Variants in TTC29 observed in about 807,000 individuals in gnomAD.
TTC29 encodes the protein tetratricopeptide repeat domain 29.
TTC29 carries 49 observed loss-of-function variants against 58.1 expected under a neutral mutation model. That is an observed-to-expected ratio of 0.84 (90% CI 0.67 to 1.07). The LOEUF (loss-of-function observed/expected upper bound fraction) is 1.07, where lower values mean the gene tolerates loss of function less well. Ranked by LOEUF, TTC29 falls within the 50% of genes least tolerant of loss-of-function variation. The pLI is 0.00. For missense variants in TTC29, 582 were observed against 555.6 expected, an observed-to-expected ratio of 1.05 and a Z score of -0.48; for synonymous variants, 209 against 196.8, an observed-to-expected ratio of 1.06 and a Z score of -0.52.
intron 9 of TTC29, among the ~76,000 whole-genome samples, chr4:146,821,737 T>C (rs1246541371): frequency 6.6e-6 from 1 of 152,206 alleles, no homozygotes; most frequent in Non-Finnish European, 1.5e-5. Context: ...TTGGAGTCTA[T>C]GATTGTAAAC....
At chr4:146,851,756 T>C (rs1176959179) in intron 8 of TTC29, among the ~76,000 whole-genome samples, 1 of 152,216 alleles carries the variant, frequency 6.6e-6, no homozygotes, top group Non-Finnish European at 1.5e-5. Context: ...TTTTCTGAAT[T>C]TCAAGGCAAA....
chr4:146,818,835 CA>C (rs1331907640), intron 10 of TTC29, among the ~76,000 whole-genome samples: 4 of 150,062 alleles, frequency 2.7e-5, no homozygotes, highest in Non-Finnish European at 5.9e-5. Flanking sequence ...ATCGCAAGGA[CA>C]AAAAACCAAA....
At chr4:146,911,325 T>G (rs1733882689) in intron 4 of TTC29, among the ~76,000 whole-genome samples, 1 of 152,130 alleles carries the variant, frequency 6.6e-6, no homozygotes, top group Admixed American at 6.5e-5. Flanking sequence ...CAAGGAGATG[T>G]ATCCTAATGA....
intron 9 of TTC29, among the ~76,000 whole-genome samples, chr4:146,821,036 A>C (rs1751782249): frequency 6.6e-6 from 1 of 152,124 alleles, no homozygotes; most frequent in South Asian, 2.1e-4. Flanking sequence ...AAAAAAAAAA[A>C]AGAATGAGGT....
chr4:146,871,336 C>CA (rs1181749656), intron 7 of TTC29, among the ~76,000 whole-genome samples: 1 of 151,760 alleles, frequency 6.6e-6, no homozygotes, highest in Non-Finnish European at 1.5e-5. Flanking sequence ...GGAATTTTTT[C>CA]AATGTAGTAA....
intron 5 of TTC29, among the ~76,000 whole-genome samples, chr4:146,908,026 A>C (rs996743567): frequency 1.3e-5 from 2 of 152,110 alleles, no homozygotes; most frequent in Non-Finnish European, 2.9e-5. Context: ...CATATTCATA[A>C]GTCAGGTCAC....
intron 11 of TTC29, among the ~76,000 whole-genome samples, chr4:146,720,184 C>A (rs1743254708): frequency 6.6e-6 from 1 of 152,162 alleles, no homozygotes; most frequent in East Asian, 1.9e-4. Context: ...CAATATAGAT[C>A]TGTTCAATAT....
intron 8 of TTC29, among the ~76,000 whole-genome samples, chr4:146,864,478 ATC>A (rs1579858551): frequency 6.6e-6 from 1 of 152,238 alleles, no homozygotes; most frequent in African/African-American, 2.4e-5. Flanking sequence ...TACATAAATT[ATC>A]TCTTATTATC....
chr4:146,925,007 G>A (rs796178592), intron 4 of TTC29, among the ~76,000 whole-genome samples: 14 of 151,820 alleles, frequency 9.2e-5, no homozygotes, highest in African/African-American at 2.9e-4. Context: ...TTCCCAATTC[G>A]GGAAGATTTT....
chr4:146,873,933 T>C (rs757114859), intron 7 of TTC29, among the ~76,000 whole-genome samples: 1 of 152,190 alleles, frequency 6.6e-6, no homozygotes, highest in Non-Finnish European at 1.5e-5. Context: ...ATAACTTTTA[T>C]CTTTTTCTCC....
chr4:146,851,206 G>T (rs1320771870), intron 8 of TTC29, among the ~76,000 whole-genome samples: 1 of 152,208 alleles, frequency 6.6e-6, no homozygotes, highest in African/African-American at 2.4e-5. Flanking sequence ...CTTTCTGTAT[G>T]TTAACTTATT....
At chr4:146,788,337 A>C (rs868362659) in intron 11 of TTC29, among the ~76,000 whole-genome samples, 3 of 152,240 alleles carry the variant, frequency 2.0e-5, no homozygotes, top group African/African-American at 7.2e-5. Context: ...GCTTTGCTAT[A>C]GGGATATCAC....
intron 11 of TTC29, among the ~76,000 whole-genome samples, chr4:146,788,318 C>T (rs1458234993): frequency 1.3e-5 from 2 of 152,222 alleles, no homozygotes; most frequent in African/African-American, 2.4e-5. Flanking sequence ...GAGAATGCCC[C>T]TGTGACAGGC....
At chr4:146,843,118 T>A (rs1728950056) in intron 8 of TTC29, among the ~76,000 whole-genome samples, 1 of 152,172 alleles carries the variant, frequency 6.6e-6, no homozygotes, top group South Asian at 2.1e-4. Context: ...CATTCAGGGA[T>A]GTTTTAGAGG....
chr4:146,776,511 G>C (rs1748108264), intron 11 of TTC29, among the ~76,000 whole-genome samples: 1 of 150,772 alleles, frequency 6.6e-6, no homozygotes. Context: ...GGGTTCAATT[G>C]ACTGGGTTTG....
At position 146,893,442 on chromosome 4, in the gene TTC29, A is replaced by G. The variant is rs183230757; in HGVS notation, c.586+10102T>C. Among the ~76,000 whole-genome samples, 752 of 152,348 alleles carry G rather than the reference A, an allele frequency of 4.9e-3. 3 individuals carry two copies. The highest frequency in any genetic ancestry group is 6.2e-3 in the Non-Finnish European group (422 of 68,036). On this transcript the variant is annotated intron_variant, in intron 6 of 12. Coordinates refer to ENST00000325106, the MANE Select transcript of TTC29 (RefSeq NM_031956.4). ...ACAAGCAATGGGGAAAGGATTCCCT[A>G]TTTAATAAATGGTGCTGGGAAAATT... is the stretch of plus-strand genomic sequence containing the variant.
At position 146,945,288 on chromosome 4, in the gene TTC29, A is replaced by C. The variant is rs200838577; in HGVS notation, c.-53-211T>G. 8 of 152,328 alleles carry C rather than the reference A, an allele frequency of 5.3e-5. No homozygotes were observed. In the East Asian group the frequency reaches 1.2e-3, roughly 22 times the overall value. 9.4% of individuals were successfully genotyped at this position (152,328 alleles called of 1,614,324 possible). A position where few individuals can be genotyped will look rare whatever the true frequency, so the allele number is the denominator to read the frequency against. ...ATCACTAAATCAGTGAAATGCCAAA[A>C]CATCTGAAATATGTATATGTATTGA... On this transcript the variant is annotated intron_variant, in intron 1 of 12. Transcript: ENST00000325106.
rs115695462 is a variant in TTC29, at chr4:146,927,397, T to C, written c.176+10197A>G. ...TAAAAATTCATGCTCTATTCCATTA[T>C]ACGTGGCAGCCTCCCAATATTTAGC... On this transcript the variant is annotated intron_variant, in intron 4 of 12. Coordinates refer to ENST00000325106, the MANE Select transcript of TTC29 (RefSeq NM_031956.4). Among the ~76,000 whole-genome samples, 677 of 152,248 alleles carry C rather than the reference T, an allele frequency of 4.4e-3. 6 individuals are homozygous for C. The highest frequency in any genetic ancestry group is 0.015 in the African/African-American group (613 of 41,564).
chr4:146,939,756 CA>C lies in TTC29; in HGVS notation c.92+47del, dbSNP rs1378627299. The C allele has an allele frequency of 2.0e-6, 3 of 1,489,292 alleles. No individual in the cohort carries two copies. In the African/African-American group the frequency reaches 4.3e-5, roughly 21 times the overall value. The allele number at this position is 1,489,292 out of a possible 1,614,324, so 92.3% of individuals were successfully genotyped here. ...GATACATTATTGACATTTCTTATTA[CA>C]GAAAATTCCTTCTGTAGGAAAATAA... is the stretch of plus-strand genomic sequence containing the variant. On this transcript the variant is annotated intron_variant, in intron 3 of 12. Transcript: ENST00000325106.
Sources: allele counts gnomAD v4.1 joint callset (sites outside exome capture counted in the v4.1 genomes callset), GRCh38; gene constraint gnomAD v4.1.1; transcripts MANE v1.5; gene names NCBI Gene and HGNC (gene_info 2026-07-23, HGNC 2026-07-21).